The following PDE1A variants were observed in gnomAD, a reference collection of about 807,000 sequenced individuals.
PDE1A encodes dual specificity calcium/calmodulin-dependent 3',5'-cyclic nucleotide phosphodiesterase 1A.
A neutral mutation model predicts 61.7 loss-of-function variants in PDE1A; 35 were observed. The ratio of observed to expected loss-of-function variants is 0.57; its 90% CI spans 0.43 to 0.75. The LOEUF is 0.75. Ranked by LOEUF, PDE1A falls within the 30% of genes least tolerant of loss-of-function variation. The pLI, the probability that PDE1A is intolerant of heterozygous loss-of-function variation, is 0.00. For missense variants in PDE1A, 597 were observed against 630.6 expected (o/e 0.95, Z 0.57); for synonymous variants, 232 against 213.2 (o/e 1.09, Z -0.77).
the PDE1A span, among the ~76,000 whole-genome samples, chr2:182,626,764 TATATATAC>T: frequency 3.8e-3 from 110 of 29,008 alleles, 6 homozygotes; most frequent in East Asian, 0.014. Context: ...TATATATACA[TATATATAC>T]ATATATATAC....
chr2:182,353,586 T>A (rs142790193), intron 1 of PDE1A, among the ~76,000 whole-genome samples: 1 of 152,130 alleles, frequency 6.6e-6, no homozygotes, highest in Non-Finnish European at 1.5e-5. Context: ...TCTAAATTCA[T>A]GTCTACAGCA....
intron 1 of PDE1A, among the ~76,000 whole-genome samples, chr2:182,331,365 T>G (rs56005522): frequency 0.37 from 55,676 of 152,136 alleles, 12,299 homozygotes; most frequent in Non-Finnish European, 0.48. Context: ...AGGTTAATAT[T>G]GTTATGTGTG....
At chr2:182,613,937 G>A in the PDE1A span, among the ~76,000 whole-genome samples, 1 of 152,034 alleles carries the variant, frequency 6.6e-6, no homozygotes, top group East Asian at 1.9e-4. Context: ...TGCAAAGCTG[G>A]GTTTTCAGAA....
At chr2:182,339,962 A>C (rs181187234) in intron 1 of PDE1A, among the ~76,000 whole-genome samples, 207 of 152,294 alleles carry the variant, frequency 1.4e-3, no homozygotes, top group African/African-American at 4.7e-3. Flanking sequence ...TATTCTAGAG[A>C]TGTAAATATG....
chr2:182,625,017 G>A, the PDE1A span, among the ~76,000 whole-genome samples: 1 of 152,116 alleles, frequency 6.6e-6, no homozygotes. Context: ...GCCTTTGGGA[G>A]GTGATTAGAT....
At chr2:182,449,089 C>CACACAA (rs1401883545) in intron 2 of PDE1A, among the ~76,000 whole-genome samples, 3 of 148,460 alleles carry the variant, frequency 2.0e-5, no homozygotes, top group South Asian at 2.1e-4. Context: ...CACACACAAA[C>CACACAA]AAAACCCAGG....
intron 1 of PDE1A, among the ~76,000 whole-genome samples, chr2:182,363,911 A>G (rs1169850283): frequency 6.6e-6 from 1 of 152,052 alleles, no homozygotes; most frequent in Admixed American, 6.6e-5. Context: ...GGAAATAGAT[A>G]GAAAGAACAA....
intron 10 of PDE1A, among the ~76,000 whole-genome samples, chr2:182,198,643 T>C (rs1261119220): frequency 6.6e-6 from 1 of 151,860 alleles, no homozygotes; most frequent in Non-Finnish European, 1.5e-5. Flanking sequence ...ATTACCTTAA[T>C]TTTTTAATAT....
At chr2:182,143,665 G>A (rs1250542534), downstream of PDE1A, among the ~76,000 whole-genome samples, 5 of 151,916 alleles carry the variant, frequency 3.3e-5, no homozygotes, top group African/African-American at 7.3e-5. Context: ...ACAGGCGCCC[G>A]CCACTACGCC....
intron 1 of PDE1A, among the ~76,000 whole-genome samples, chr2:182,357,159 A>G (rs1574440129): frequency 6.6e-6 from 1 of 152,120 alleles, no homozygotes; most frequent in East Asian, 1.9e-4. Flanking sequence ...GTGCACATAT[A>G]CCCTAAAACT....
downstream of PDE1A, among the ~76,000 whole-genome samples, chr2:182,164,100 G>A (rs548938936): frequency 6.6e-6 from 1 of 152,264 alleles, no homozygotes; most frequent in East Asian, 1.9e-4. Context: ...CCATTAACTG[G>A]GTGTTATTTG....
the PDE1A span, among the ~76,000 whole-genome samples, chr2:182,577,595 T>C: frequency 6.6e-6 from 1 of 152,236 alleles, no homozygotes; most frequent in Admixed American, 6.5e-5. Flanking sequence ...AATCAGGGAA[T>C]GCTGAATGTG....
chr2:182,484,870 T>C (rs527865060), intron 2 of PDE1A, among the ~76,000 whole-genome samples: 55 of 152,050 alleles, frequency 3.6e-4, no homozygotes, highest in African/African-American at 1.1e-3. Context: ...AAATAACAGA[T>C]GCTGGCGAGG....
At chr2:182,467,112 C>T (rs948559827) in intron 2 of PDE1A, among the ~76,000 whole-genome samples, 1 of 131,642 alleles carries the variant, frequency 7.6e-6, no homozygotes, top group Non-Finnish European at 1.6e-5. Flanking sequence ...AAAGAAATAA[C>T]GAAGAAAAAA....
At chr2:182,467,613 C>T (rs1336868287) in intron 2 of PDE1A, among the ~76,000 whole-genome samples, 1 of 151,750 alleles carries the variant, frequency 6.6e-6, no homozygotes, top group Non-Finnish European at 1.5e-5. Flanking sequence ...GAACTGCAGA[C>T]CAATACCACT....
intron 1 of PDE1A, among the ~76,000 whole-genome samples, chr2:182,327,898 G>T (rs1327397933): frequency 2.6e-5 from 4 of 152,222 alleles, no homozygotes; most frequent in Non-Finnish European, 4.4e-5. Flanking sequence ...CAAACTGATG[G>T]AGTGAAGAGA....
chr2:182,534,666 AT>A, the PDE1A span, among the ~76,000 whole-genome samples: 1 of 151,348 alleles, frequency 6.6e-6, no homozygotes, highest in Admixed American at 6.6e-5. Context: ...ATTTGTAAAG[AT>A]TATTTTATAT....
chr2:182,716,445 T>TG, the PDE1A span: 1 of 152,410 alleles, frequency 6.6e-6, no homozygotes, highest in Non-Finnish European at 1.5e-5. Flanking sequence ...GGTTTGAGGA[T>TG]GGGGGAGTAG....
At chr2:182,210,707 T>C (rs768073918) in intron 7 of PDE1A, among the ~76,000 whole-genome samples, 3 of 152,160 alleles carry the variant, frequency 2.0e-5, no homozygotes, top group Non-Finnish European at 1.5e-5. Context: ...TTTGATATTA[T>C]ATTTAAAAAG....
Sources: allele counts gnomAD v4.1 joint callset (sites outside exome capture counted in the v4.1 genomes callset), GRCh38; gene constraint gnomAD v4.1.1; transcripts MANE v1.5; gene names NCBI Gene and HGNC (gene_info 2026-07-23, HGNC 2026-07-21).